TENM1: variants seen among roughly 807,000 people sequenced by gnomAD.
TENM1 encodes the protein teneurin-1.
Under a neutral mutation model 174.8 loss-of-function variants are expected in TENM1, and 35 were observed. That is an observed-to-expected ratio of 0.20 (90% CI 0.15 to 0.27). The LOEUF (loss-of-function observed/expected upper bound fraction) is 0.27. Among genes scored for constraint, TENM1 ranks in the 10% least tolerant of loss-of-function variants. The pLI, the probability that TENM1 is intolerant of heterozygous loss-of-function variation, is 1.00. For missense variants in TENM1, 1,633 were observed against 2,130.1 expected (o/e 0.77, Z 4.59); for synonymous variants, 781 against 798.7 (o/e 0.98, Z 0.37).
At chrX:124,880,898 ATAT>A (rs1459264339) in intron 3 of TENM1, among the ~76,000 whole-genome samples, 2 of 111,647 alleles carry the variant, frequency 1.8e-5, no homozygotes, top group Non-Finnish European at 1.9e-5. Context: ...GAATCATGGT[ATAT>A]TATGTTTTGA....
At chrX:125,181,731 C>T in the TENM1 span, among the ~76,000 whole-genome samples, 1 of 111,550 alleles carries the variant, frequency 9.0e-6, no homozygotes, top group African/African-American at 3.3e-5. Context: ...GGACTGAATT[C>T]TCTCTGAAAT....
At chrX:124,869,176 T>C (rs760908678) in intron 3 of TENM1, among the ~76,000 whole-genome samples, 2 of 108,209 alleles carry the variant, frequency 1.8e-5, no homozygotes, top group Non-Finnish European at 3.8e-5. Flanking sequence ...GAGGTTGCAG[T>C]GAGCCGAGAT....
At chrX:124,633,454 G>A (rs2050806900) in intron 11 of TENM1, among the ~76,000 whole-genome samples, 1 of 111,846 alleles carries the variant, frequency 8.9e-6, no homozygotes, top group African/African-American at 3.2e-5. Flanking sequence ...TTGTCAAATT[G>A]TCAAAAGTTT....
chrX:124,726,049 A>G (rs896976047), intron 4 of TENM1, among the ~76,000 whole-genome samples: 2 of 112,156 alleles, frequency 1.8e-5, no homozygotes, highest in South Asian at 3.7e-4. Context: ...TGATGGGTAC[A>G]GAGATTTCAC....
At chrX:124,799,194 A>T (rs1007688209) in intron 3 of TENM1, among the ~76,000 whole-genome samples, 1 of 111,364 alleles carries the variant, frequency 9.0e-6, no homozygotes, top group Non-Finnish European at 1.9e-5. Context: ...GTTCCATATG[A>T]AATTTAAAGT....
chrX:125,194,666 G>A, the TENM1 span, among the ~76,000 whole-genome samples: 2 of 111,757 alleles, frequency 1.8e-5, no homozygotes, highest in South Asian at 7.6e-4. Flanking sequence ...TGTGTACTAA[G>A]CCTCTTCTGT....
chrX:124,756,343 G>T lies in TENM1; in HGVS notation c.536-19146C>A, dbSNP rs1172050439. 3.3e-3 allele frequency among the ~76,000 whole-genome samples: 336 copies of T among 103,364 alleles called. 9 individuals are homozygous for T. Among genetic ancestry groups the T allele is most frequent in the African/African-American group, 0.011 (284 of 25,409 alleles). 89.8% of individuals were successfully genotyped at this position (103,364 alleles called of 115,157 possible). ...CGAGCCTTGGCTTTCAGCTCCATCAGCTCCTTTAAGCACTTCTCTGTATTG... is the reference window on the plus strand; with the variant it reads ...CGAGCCTTGGCTTTCAGCTCCATCATCTCCTTTAAGCACTTCTCTGTATTG... On this transcript the variant is annotated intron_variant, in intron 3 of 31. Coordinates refer to ENST00000422452, the Ensembl canonical transcript of TENM1.
intron 3 of TENM1, among the ~76,000 whole-genome samples, chrX:124,807,789 G>A (rs750317872): frequency 5.4e-4 from 59 of 109,313 alleles, no homozygotes; most frequent in African/African-American, 2.0e-3. Flanking sequence ...TATTTTGTAA[G>A]TATCATGGTA....
chrX:124,425,115 T>C (rs35492680), intron 23 of TENM1, among the ~76,000 whole-genome samples: 51,231 of 110,924 alleles, frequency 0.46, 9,886 homozygotes, highest in Non-Finnish European at 0.62. Flanking sequence ...ACAGTGTATA[T>C]GTACCACATT....
chrX:124,581,927 C>T (rs1044737216), intron 11 of TENM1, among the ~76,000 whole-genome samples: 2 of 111,089 alleles, frequency 1.8e-5, no homozygotes, highest in African/African-American at 3.3e-5. Flanking sequence ...GTGTGGGATG[C>T]GCAGATTTGT....
intron 3 of TENM1, among the ~76,000 whole-genome samples, chrX:124,794,483 G>A (rs758059820): frequency 9.0e-6 from 1 of 110,877 alleles, no homozygotes; most frequent in African/African-American, 3.3e-5. Context: ...CATGCAATAC[G>A]TCACCACATT....
At chrX:124,605,920 T>C (rs1427081443) in intron 11 of TENM1, among the ~76,000 whole-genome samples, 1 of 112,062 alleles carries the variant, frequency 8.9e-6, no homozygotes, top group Non-Finnish European at 1.9e-5. Flanking sequence ...CAGTGTATAT[T>C]AAAGTCTGAA....
At chrX:125,147,422 C>G in the TENM1 span, among the ~76,000 whole-genome samples, 38 of 111,198 alleles carry the variant, frequency 3.4e-4, no homozygotes, top group African/African-American at 1.2e-3. Flanking sequence ...ACACACTTCA[C>G]AGGAGTTTAA....
At chrX:125,123,714 T>G in the TENM1 span, among the ~76,000 whole-genome samples, 10 of 112,492 alleles carry the variant, frequency 8.9e-5, no homozygotes, top group African/African-American at 3.2e-4. Context: ...TAATTGTAAC[T>G]TATAAAACAA....
chrX:124,750,912 T>C (rs549258049), intron 3 of TENM1, among the ~76,000 whole-genome samples: 2 of 112,708 alleles, frequency 1.8e-5, no homozygotes, highest in African/African-American at 6.4e-5. Flanking sequence ...TAATGAAATC[T>C]ATGTAGTGGG....
chrX:125,079,353 A>C, the TENM1 span, among the ~76,000 whole-genome samples: 2 of 111,883 alleles, frequency 1.8e-5, no homozygotes, highest in African/African-American at 6.5e-5. Context: ...TAGCATCTGA[A>C]TACACAGCCT....
exon 2 of TENM1, chrX:124,896,153 C>A: frequency 1.7e-6 from 2 of 1,211,696 alleles, no homozygotes; most frequent in African/African-American, 1.7e-5. Flanking sequence ...CAGATCCCAT[C>A]TCTAGCTGGT....
At chrX:124,380,491 T>C in exon 32 of TENM1, 1 of 1,136,059 alleles carries the variant, frequency 8.8e-7, no homozygotes, top group South Asian at 2.1e-5. Context: ...TTTTATGTTT[T>C]AAAAACAGGC....
At chrX:124,665,335 C>T (rs960257042) in intron 6 of TENM1, among the ~76,000 whole-genome samples, 9 of 110,001 alleles carry the variant, frequency 8.2e-5, no homozygotes, top group Admixed American at 6.7e-4. Flanking sequence ...AGCAAAACTC[C>T]GTCTCAAAAA....
Sources: allele counts gnomAD v4.1 joint callset (sites outside exome capture counted in the v4.1 genomes callset), GRCh38; gene constraint gnomAD v4.1.1; transcripts MANE v1.5; gene names NCBI Gene and HGNC (gene_info 2026-07-23, HGNC 2026-07-21).